MEIKIN: variants seen among roughly 807,000 people sequenced by gnomAD.
MEIKIN encodes the protein meiotic kinetochore factor.
intron 6 of MEIKIN, among the ~76,000 whole-genome samples, chr5:131,920,374 C>T (rs1283939508): frequency 6.6e-6 from 1 of 152,152 alleles, no homozygotes; most frequent in African/African-American, 2.4e-5. Context: ...ACAAACACCA[C>T]AGTAATAAAG....
intron 5 of MEIKIN, among the ~76,000 whole-genome samples, chr5:131,927,860 G>A (rs1177249422): frequency 6.6e-6 from 1 of 152,000 alleles, no homozygotes; most frequent in East Asian, 1.9e-4. Context: ...ATCTAAAGAG[G>A]ATCGGCCGGG....
chr5:131,875,550 G>C (rs538654311), intron 9 of MEIKIN, among the ~76,000 whole-genome samples: 13 of 151,932 alleles, frequency 8.6e-5, no homozygotes, highest in Non-Finnish European at 1.6e-4. Context: ...AATCAATATC[G>C]TGAAAATGGC....
intron 11 of MEIKIN, among the ~76,000 whole-genome samples, chr5:131,850,456 C>A (rs531475664): frequency 1.3e-5 from 2 of 152,092 alleles, no homozygotes; most frequent in African/African-American, 4.8e-5. Context: ...GTAATCAAAG[C>A]CATATGGTAC....
At chr5:131,918,834 G>A (rs1751457596) in intron 6 of MEIKIN, among the ~76,000 whole-genome samples, 1 of 152,152 alleles carries the variant, frequency 6.6e-6, no homozygotes, top group Non-Finnish European at 1.5e-5. Flanking sequence ...ACACGGCTGT[G>A]ACACCTAGAG....
Position 131,886,616 on chromosome 5 carries a change from A to T in MEIKIN, c.704-7568T>A, listed in dbSNP as rs184247413. On this transcript the variant is annotated intron_variant, in intron 8 of 12. Coordinates refer to ENST00000442687, the MANE Select transcript of MEIKIN (RefSeq NM_001303622.2). Reference sequence around the variant, plus strand: ...CCTTCCCACAAACAAAAGCTGAGGGATGTCATGAGTGCCAGACCTGTCCTA... The same window carrying T: ...CCTTCCCACAAACAAAAGCTGAGGGTTGTCATGAGTGCCAGACCTGTCCTA... 3.0e-3 allele frequency among the ~76,000 whole-genome samples: 463 copies of T among 152,298 alleles called. 2 individuals are homozygous for T. Among genetic ancestry groups the T allele is most frequent in the African/African-American group, 0.01 (431 of 41,560 alleles).
chr5:131,813,136 C>T (rs1422896475), intron 12 of MEIKIN, among the ~76,000 whole-genome samples: 1 of 152,134 alleles, frequency 6.6e-6, no homozygotes, highest in Non-Finnish European at 1.5e-5. Context: ...TGTCCATGGC[C>T]CCCACCCTGG....
intron 11 of MEIKIN, among the ~76,000 whole-genome samples, chr5:131,850,284 A>G (rs1750089853): frequency 6.6e-6 from 1 of 152,228 alleles, no homozygotes; most frequent in Non-Finnish European, 1.5e-5. Context: ...ATTCCATTCA[A>G]TCTCTATCAA....
chr5:131,912,815 T>A (rs911153571), intron 7 of MEIKIN, among the ~76,000 whole-genome samples: 55 of 152,286 alleles, frequency 3.6e-4, no homozygotes, highest in African/African-American at 9.6e-4. Context: ...ACTCTCCTTA[T>A]GCAATTTAAA....
intron 5 of MEIKIN, among the ~76,000 whole-genome samples, chr5:131,932,176 C>T (rs555743069): frequency 6.6e-5 from 10 of 152,242 alleles, no homozygotes; most frequent in African/African-American, 2.2e-4. Flanking sequence ...GTGAGCAGAT[C>T]CCATAATTTA....
At chr5:131,835,833 T>C (rs1187634504) in intron 11 of MEIKIN, among the ~76,000 whole-genome samples, 2 of 152,226 alleles carry the variant, frequency 1.3e-5, no homozygotes, top group Non-Finnish European at 2.9e-5. Flanking sequence ...GACCTTGTGA[T>C]CTGCCTGCCT....
chr5:131,918,795 C>G (rs926208868), intron 6 of MEIKIN, among the ~76,000 whole-genome samples: 2 of 152,158 alleles, frequency 1.3e-5, no homozygotes, highest in Non-Finnish European at 2.9e-5. Context: ...TGGGGCTACT[C>G]CTGCCCTATC....
At chr5:131,863,093 T>G (rs1750315642) in intron 9 of MEIKIN, among the ~76,000 whole-genome samples, 1 of 152,216 alleles carries the variant, frequency 6.6e-6, no homozygotes, top group South Asian at 2.1e-4. Flanking sequence ...ACTGTATAGT[T>G]TCCAAACTTC....
At chr5:131,917,517 G>A (rs562416953) in intron 6 of MEIKIN, among the ~76,000 whole-genome samples, 1 of 138,920 alleles carries the variant, frequency 7.2e-6, no homozygotes, top group East Asian at 2.2e-4. Flanking sequence ...AGTGAGCCGA[G>A]ATTGCGCCAC....
intron 9 of MEIKIN, among the ~76,000 whole-genome samples, chr5:131,860,328 A>T (rs1561735319): frequency 1.9e-5 from 2 of 104,724 alleles, no homozygotes; most frequent in African/African-American, 4.0e-5. Flanking sequence ...CAGCTGTTGT[A>T]AATGTGATTG....
intron 8 of MEIKIN, among the ~76,000 whole-genome samples, chr5:131,902,630 A>C (rs1751178057): frequency 6.6e-6 from 1 of 152,130 alleles, no homozygotes; most frequent in Non-Finnish European, 1.5e-5. Flanking sequence ...ATATTTCTTT[A>C]TAGTAATGCA....
At chr5:131,887,540 G>A (rs1750822344) in intron 8 of MEIKIN, among the ~76,000 whole-genome samples, 1 of 152,132 alleles carries the variant, frequency 6.6e-6, no homozygotes, top group Non-Finnish European at 1.5e-5. Flanking sequence ...TAACTGGTGT[G>A]AGATGGTAAT....
intron 12 of MEIKIN, among the ~76,000 whole-genome samples, chr5:131,817,981 A>G (rs1561721303): frequency 1.3e-5 from 2 of 152,222 alleles, no homozygotes; most frequent in Admixed American, 1.3e-4. Flanking sequence ...AAACCAAAGA[A>G]AAAACAAAAC....
At chr5:131,873,530 A>C (rs1750547101) in intron 9 of MEIKIN, among the ~76,000 whole-genome samples, 2 of 152,148 alleles carry the variant, frequency 1.3e-5, no homozygotes, top group African/African-American at 2.4e-5. Context: ...AGAGACTTAG[A>C]CTCCCACACA....
chr5:131,893,789 A>G (rs1168314745), intron 8 of MEIKIN, among the ~76,000 whole-genome samples: 1 of 152,202 alleles, frequency 6.6e-6, no homozygotes, highest in South Asian at 2.1e-4. Context: ...CCTTTGTCAG[A>G]TAAGTAGAGT....
Sources: allele counts gnomAD v4.1 joint callset (sites outside exome capture counted in the v4.1 genomes callset), GRCh38; gene constraint gnomAD v4.1.1; transcripts MANE v1.5; gene names NCBI Gene and HGNC (gene_info 2026-07-23, HGNC 2026-07-21).